Variants in MEF2A observed in about 807,000 individuals in gnomAD.
MEF2A encodes myocyte enhancer factor 2A.
Under a neutral mutation model 55.8 loss-of-function variants are expected in MEF2A, and 28 were observed. The ratio of observed to expected loss-of-function variants is 0.50; its 90% CI spans 0.37 to 0.69. The LOEUF is 0.69. Ranked by LOEUF, MEF2A falls within the 30% of genes least tolerant of loss-of-function variation. The probability of loss-of-function intolerance (pLI) is 0.00; values close to 1 mark genes in which losing one functional copy is unlikely to be tolerated. For synonymous variants in MEF2A, 239 were observed against 227.1 expected, an observed-to-expected ratio of 1.05 and a Z score of -0.47; for missense variants, 528 against 626.2, an observed-to-expected ratio of 0.84 and a Z score of 1.67.
In MEF2A at chr15:99,699,962, G is replaced by GTGTGTT. The variant is rs1273066290; in HGVS notation, c.859-3395_859-3394insTTGTGT. ...TCAGTAAGAGTTTATATGTGTGTGTGTGTGTGTGTGTGTGTGTGTGTGTAT... is the reference window on the plus strand; with the variant it reads ...TCAGTAAGAGTTTATATGTGTGTGTGTGTGTTTGTGTGTGTGTGTGTGTGTGTGTAT... On this transcript the variant is annotated intron_variant, in intron 8 of 11. Coordinates refer to ENST00000557942, the MANE Select transcript of MEF2A (RefSeq NM_001319206.4). 7.9e-3 allele frequency among the ~76,000 whole-genome samples: 693 copies of GTGTGTT among 88,278 alleles called. 3 individuals carry two copies. The highest frequency in any genetic ancestry group is 0.022 in the African/African-American group (655 of 29,552). 57.9% of individuals were successfully genotyped at this position (88,278 alleles called of 152,430 possible).
chr15:99,614,144 A>G (rs1372790317), intron 2 of MEF2A, among the ~76,000 whole-genome samples: 1 of 152,206 alleles, frequency 6.6e-6, no homozygotes, highest in Non-Finnish European at 1.5e-5. Flanking sequence ...TCACAGGGTT[A>G]TTGTTACTGT....
At chr15:99,618,597 T>G (rs1262666046) in intron 2 of MEF2A, among the ~76,000 whole-genome samples, 4 of 152,124 alleles carry the variant, frequency 2.6e-5, no homozygotes, top group Non-Finnish European at 4.4e-5. Context: ...TATTGAGGTG[T>G]AAAGGGCGTG....
At chr15:99,597,953 C>G (rs1224637129) in intron 1 of MEF2A, among the ~76,000 whole-genome samples, 2 of 152,150 alleles carry the variant, frequency 1.3e-5, no homozygotes, top group African/African-American at 4.8e-5. Context: ...CAAATATACA[C>G]ATTGTATTGA....
intron 8 of MEF2A, among the ~76,000 whole-genome samples, chr15:99,699,454 G>T (rs911599772): frequency 6.6e-6 from 1 of 152,202 alleles, no homozygotes; most frequent in Non-Finnish European, 1.5e-5. Context: ...GAACTAATCT[G>T]TGTGATGCTG....
chr15:99,603,543 T>TTGTGTG (rs1300288383), intron 2 of MEF2A, among the ~76,000 whole-genome samples: 1,966 of 126,472 alleles, frequency 0.016, 23 homozygotes, highest in Middle Eastern at 0.035. Context: ...CTGGCTGATT[T>TTGTGTG]TGTGTGTGTG....
intron 8 of MEF2A, among the ~76,000 whole-genome samples, chr15:99,692,090 T>C (rs777309753): frequency 1.9e-4 from 29 of 152,226 alleles, no homozygotes; most frequent in Non-Finnish European, 3.1e-4. Flanking sequence ...CCATTAGAGT[T>C]TTTGCTAAGT....
intron 2 of MEF2A, among the ~76,000 whole-genome samples, chr15:99,628,279 G>A (rs1006099514): frequency 6.6e-6 from 1 of 151,970 alleles, no homozygotes; most frequent in African/African-American, 2.4e-5. Flanking sequence ...CTTTTGGTTT[G>A]TGTTTTACAT....
At chr15:99,652,053 T>TA (rs1412139085) in intron 4 of MEF2A, among the ~76,000 whole-genome samples, 1 of 152,152 alleles carries the variant, frequency 6.6e-6, no homozygotes, top group East Asian at 1.9e-4. Flanking sequence ...CTCCAGAAGA[T>TA]ATTTGATGCT....
At chr15:99,617,911 C>T (rs1396923905) in intron 2 of MEF2A, among the ~76,000 whole-genome samples, 1 of 151,980 alleles carries the variant, frequency 6.6e-6, no homozygotes, top group East Asian at 1.9e-4. Flanking sequence ...TAGTTGAACC[C>T]AAAGGAATAT....
intron 1 of MEF2A, among the ~76,000 whole-genome samples, chr15:99,569,464 A>C (rs968385476): frequency 6.6e-6 from 1 of 152,262 alleles, no homozygotes; most frequent in African/African-American, 2.4e-5. Context: ...AGCATCTTAA[A>C]TTCATTGTCA....
At chr15:99,578,539 T>G (rs1965004214) in intron 1 of MEF2A, among the ~76,000 whole-genome samples, 2 of 152,200 alleles carry the variant, frequency 1.3e-5, no homozygotes, top group African/African-American at 4.8e-5. Flanking sequence ...CTCCTTGTTT[T>G]GGGGGATAGC....
intron 2 of MEF2A, chr15:99,620,932 G>A (rs1292758350): frequency 1.4e-5 from 2 of 142,134 alleles, no homozygotes; most frequent in Non-Finnish European, 3.0e-5. Flanking sequence ...TGCAACCTCC[G>A]CCTCCAGGTT....
At chr15:99,695,373 A>G (rs2056279177) in intron 8 of MEF2A, among the ~76,000 whole-genome samples, 1 of 152,222 alleles carries the variant, frequency 6.6e-6, no homozygotes. Context: ...AGAAGTATAA[A>G]TAAGTCAGTA....
chr15:99,656,173 G>A (rs140102486), intron 4 of MEF2A, among the ~76,000 whole-genome samples: 166 of 152,198 alleles, frequency 1.1e-3, no homozygotes, highest in Non-Finnish European at 1.9e-3. Flanking sequence ...ATATGTTTAA[G>A]TTGAAGGAAC....
rs754444367 is a variant in MEF2A, at chr15:99,710,772, G to A, written c.1136+12G>A. The stretch of plus-strand genomic sequence containing the variant: ...CTCAGCTCTCTTGTGTGAGTAACTA[G>A]AAGTTTTCCCTGCATCTTTACTCCT... On this transcript the variant is annotated intron_variant, in intron 11 of 11. Coordinates refer to ENST00000557942, the MANE Select transcript of MEF2A (RefSeq NM_001319206.4). The A allele has an allele frequency of 6.3e-7, 1 of 1,591,394 alleles. No individual in the cohort carries two copies. Among genetic ancestry groups the A allele is most frequent in the Admixed American group, 1.7e-5 (1 of 59,574 alleles).
rs1313207117 is a variant in MEF2A at position 99,713,989 on chromosome 15, TTAATATTTAC to T, written c.*1221_*1230del. 2 of 152,220 alleles carry T rather than the reference TTAATATTTAC, an allele frequency of 1.3e-5. No homozygotes were observed. Among genetic ancestry groups the T allele is most frequent in the Non-Finnish European group, 2.9e-5 (2 of 68,040 alleles). The allele number at this position is 152,220 out of a possible 1,614,324, so 9.4% of individuals were successfully genotyped here. On this transcript the variant is annotated 3_prime_UTR_variant, in exon 12 of 12. Transcript: ENST00000557942. ...AGGTCCTTTATTAAGTATTCACTGT[TTAATATTTAC>T]TATTTTGTTAAATATACTGTACTTT...
intron 8 of MEF2A, among the ~76,000 whole-genome samples, chr15:99,697,730 C>G (rs1405733597): frequency 6.6e-6 from 1 of 152,052 alleles, no homozygotes; most frequent in African/African-American, 2.4e-5. Flanking sequence ...CAAGCTGATT[C>G]TAAAATATAT....
intron 2 of MEF2A, among the ~76,000 whole-genome samples, chr15:99,614,037 A>C (rs917446506): frequency 2.0e-5 from 3 of 152,176 alleles, no homozygotes; most frequent in African/African-American, 7.2e-5. Flanking sequence ...ATTAGGGCCA[A>C]AATTTCAACT....
chr15:99,675,386 G>T lies in MEF2A; in HGVS notation c.611-13G>T. 6.2e-7 allele frequency: 1 copy of T among 1,612,980 alleles called. No homozygotes were observed. ...ATTCTCTGCCCTCTGTCTTCTCTCC[G>T]TAACGTTGTTAGGTGGGATGTTGAG... On this transcript the variant is annotated splice_polypyrimidine_tract_variant and intron_variant, in intron 6 of 11. Coordinates refer to ENST00000557942, the MANE Select transcript of MEF2A (RefSeq NM_001319206.4).
Sources: gnomAD v4.1 joint callset for allele counts (sites outside exome capture counted in the v4.1 genomes callset) on GRCh38, gnomAD v4.1.1 for gene constraint, MANE v1.5 for transcripts, NCBI Gene and HGNC (gene_info 2026-07-23, HGNC 2026-07-21) for gene names.